EPHA6: variants seen among roughly 807,000 people sequenced by gnomAD.
EPHA6 encodes ephrin type-A receptor 6.
Under a neutral mutation model 112.0 loss-of-function variants are expected in EPHA6, and 50 were observed. The ratio of observed to expected loss-of-function variants is 0.45; its 90% CI spans 0.36 to 0.56. The LOEUF (loss-of-function observed/expected upper bound fraction) is 0.56, where lower values mean the gene tolerates loss of function less well. Among genes scored for constraint, EPHA6 ranks in the 20% least tolerant of loss-of-function variants. The pLI is 0.00. For missense variants in EPHA6, 1,280 were observed against 1,417.4 expected, an observed-to-expected ratio of 0.90 and a Z score of 1.56; for synonymous variants, 529 against 490.7, an observed-to-expected ratio of 1.08 and a Z score of -1.03.
intron 14 of EPHA6, among the ~76,000 whole-genome samples, chr3:97,666,056 CAAA>C (rs774844509): frequency 8.9e-5 from 9 of 100,818 alleles, no homozygotes; most frequent in Admixed American, 1.1e-4. Context: ...GACTCCATCT[CAAA>C]AAAAAAAAAA....
intron 14 of EPHA6, among the ~76,000 whole-genome samples, chr3:97,705,383 C>A (rs762164639): frequency 6.6e-6 from 1 of 152,204 alleles, no homozygotes; most frequent in Admixed American, 6.5e-5. Flanking sequence ...ACTATCATGG[C>A]GCCTCTCACA....
intron 1 of EPHA6, among the ~76,000 whole-genome samples, chr3:96,823,384 G>A (rs1465783760): frequency 6.6e-6 from 1 of 151,696 alleles, no homozygotes; most frequent in Non-Finnish European, 1.5e-5. Flanking sequence ...ATTTGTTAAG[G>A]ATTCTCTCTG....
chr3:97,140,455 A>G (rs1049205268), intron 3 of EPHA6, among the ~76,000 whole-genome samples: 7 of 152,146 alleles, frequency 4.6e-5, no homozygotes, highest in Non-Finnish European at 7.3e-5. Flanking sequence ...ATCACCTATA[A>G]TAGATATCCC....
intron 3 of EPHA6, among the ~76,000 whole-genome samples, chr3:97,062,096 C>A (rs2046040403): frequency 6.6e-6 from 1 of 152,000 alleles, no homozygotes. Context: ...CACAATCATA[C>A]AAGTGTATAA....
In EPHA6 at chr3:97,484,054, G is replaced by T. The variant is rs1424648528; in HGVS notation, c.2195G>T (p.Gly732Val). 1 of 1,595,208 alleles carries T rather than the reference G, an allele frequency of 6.3e-7. No individual in the cohort carries two copies. Among genetic ancestry groups the T allele is most frequent in the Non-Finnish European group, 8.5e-7 (1 of 1,172,380 alleles). ...AGAATTCGTATTGAGAGAGTCATTG[G>T]GGCAGGTAAATGTCAAATCTACACT... is the stretch of plus-strand genomic sequence containing the variant. ...PSRIRIERVI[G>V]AGEFGEVCSG... is the part of the protein sequence containing the mutation. Residue 732 changes from glycine to valine, a missense_variant, in exon 10 of 18, where the codon GGG (glycine) becomes GTG (valine). Around this residue, in one of 4 missense-constraint regions of EPHA6, gnomAD observed 878 missense variants for 999.7 expected, o/e 0.88. Transcript: ENST00000389672.
At chr3:97,130,211 G>A (rs1049278383) in intron 3 of EPHA6, among the ~76,000 whole-genome samples, 1 of 151,820 alleles carries the variant, frequency 6.6e-6, no homozygotes, top group African/African-American at 2.4e-5. Context: ...CTTGGATTAT[G>A]CACATGTCTA....
chr3:96,854,144 G>T (rs1453237774), intron 1 of EPHA6, among the ~76,000 whole-genome samples: 1 of 148,536 alleles, frequency 6.7e-6, no homozygotes, highest in Non-Finnish European at 1.5e-5. Context: ...TCTAAAAAAA[G>T]ATATATAGAA....
At chr3:97,642,959 C>T (rs1301428754) in intron 14 of EPHA6, among the ~76,000 whole-genome samples, 15 of 149,636 alleles carry the variant, frequency 1.0e-4, no homozygotes, top group African/African-American at 3.2e-4. Context: ...AGATACTCCT[C>T]GAGAAGAGCA....
intron 3 of EPHA6, among the ~76,000 whole-genome samples, chr3:97,001,482 A>C (rs528805358): frequency 1.3e-5 from 2 of 152,060 alleles, no homozygotes; most frequent in Admixed American, 6.6e-5. Flanking sequence ...CTTTTTAGGA[A>C]ATAATACTTT....
intron 11 of EPHA6, among the ~76,000 whole-genome samples, chr3:97,542,526 G>C (rs2092876027): frequency 1.3e-5 from 2 of 152,208 alleles, no homozygotes; most frequent in South Asian, 4.2e-4. Flanking sequence ...CCAAGTCTTT[G>C]CTATTGTGAA....
At chr3:97,252,642 G>T (rs1411203819) in intron 5 of EPHA6, among the ~76,000 whole-genome samples, 4 of 152,150 alleles carry the variant, frequency 2.6e-5, no homozygotes, top group African/African-American at 9.7e-5. Flanking sequence ...AGACTGCATG[G>T]CTAAGAGTGG....
At chr3:97,178,498 T>C (rs1219239464) in intron 3 of EPHA6, among the ~76,000 whole-genome samples, 1 of 152,138 alleles carries the variant, frequency 6.6e-6, no homozygotes, top group Non-Finnish European at 1.5e-5. Context: ...TTCTTTCTGA[T>C]TGCAGTGCTC....
intron 3 of EPHA6, among the ~76,000 whole-genome samples, chr3:97,122,378 A>C (rs186572080): frequency 1.3e-5 from 2 of 152,172 alleles, no homozygotes; most frequent in South Asian, 2.1e-4. Context: ...AATTACGTGT[A>C]TTTTTAAGAT....
At chr3:96,949,178 A>G (rs1240189096) in intron 2 of EPHA6, among the ~76,000 whole-genome samples, 2 of 152,204 alleles carry the variant, frequency 1.3e-5, no homozygotes, top group African/African-American at 4.8e-5. Context: ...TTACTGATTG[A>G]TAGACGGAGA....
intron 11 of EPHA6, among the ~76,000 whole-genome samples, chr3:97,562,019 G>C (rs1314063030): frequency 6.6e-6 from 1 of 151,916 alleles, no homozygotes. Context: ...GAGACCTACT[G>C]GTCAGAAAAA....
At chr3:97,147,781 AAG>A (rs1348914891) in intron 3 of EPHA6, among the ~76,000 whole-genome samples, 4 of 152,116 alleles carry the variant, frequency 2.6e-5, no homozygotes, top group Non-Finnish European at 5.9e-5. Context: ...AAATCAAGGA[AAG>A]ACAGTAACTG....
At chr3:97,411,280 G>A (rs1052980495) in intron 6 of EPHA6, among the ~76,000 whole-genome samples, 2 of 151,986 alleles carry the variant, frequency 1.3e-5, no homozygotes, top group African/African-American at 4.8e-5. Context: ...CATAGTGCCT[G>A]GAGCAGAGAT....
intron 2 of EPHA6, among the ~76,000 whole-genome samples, chr3:96,951,835 A>G (rs1018649818): frequency 9.9e-5 from 15 of 152,148 alleles, no homozygotes; most frequent in African/African-American, 3.4e-4. Context: ...TGCAAACTGA[A>G]TATCTTAGGT....
chr3:97,372,651 A>G (rs1259882090), intron 5 of EPHA6, among the ~76,000 whole-genome samples: 1 of 152,166 alleles, frequency 6.6e-6, no homozygotes, highest in Non-Finnish European at 1.5e-5. Flanking sequence ...ACACAGGTAC[A>G]TTTGGGAATT....
Sources: gnomAD v4.1 joint callset for allele counts (sites outside exome capture counted in the v4.1 genomes callset) on GRCh38, gnomAD v4.1.1 for gene constraint, gnomAD v4.1.1 regional missense constraint, MANE v1.5 for transcripts, NCBI Gene and HGNC (gene_info 2026-07-23, HGNC 2026-07-21) for gene names.